Variants in ADCY2 observed in about 807,000 individuals in gnomAD.
ADCY2 encodes adenylate cyclase type 2.
ADCY2 carries 31 observed loss-of-function variants against 125.2 expected under a neutral mutation model. The ratio of observed to expected loss-of-function variants is 0.25; its 90% CI spans 0.19 to 0.33. The LOEUF is 0.33. Among genes scored for constraint, ADCY2 ranks in the 10% least tolerant of loss-of-function variants. The pLI is 1.00. For missense variants in ADCY2, 904 were observed against 1,418.2 expected, an observed-to-expected ratio of 0.64 and a Z score of 5.82; for synonymous variants, 512 against 548.4, an observed-to-expected ratio of 0.93 and a Z score of 0.93.
chr5:7,826,122 A>G (rs550235177), intron 24 of ADCY2, among the ~76,000 whole-genome samples: 1 of 152,230 alleles, frequency 6.6e-6, no homozygotes, highest in African/African-American at 2.4e-5. Flanking sequence ...AAATTCCTAC[A>G]GCTCTTTCAG....
At chr5:7,621,956 C>T (rs1198262651) in intron 3 of ADCY2, among the ~76,000 whole-genome samples, 1 of 152,150 alleles carries the variant, frequency 6.6e-6, no homozygotes, top group African/African-American at 2.4e-5. Flanking sequence ...CAGGGTAAAC[C>T]TTGACTGCTA....
intron 3 of ADCY2, among the ~76,000 whole-genome samples, chr5:7,597,338 G>A (rs1256713244): frequency 2.0e-5 from 3 of 152,316 alleles, no homozygotes; most frequent in South Asian, 4.1e-4. Flanking sequence ...CTCAGGCTGC[G>A]CCCAGCTGGG....
intron 4 of ADCY2, among the ~76,000 whole-genome samples, chr5:7,674,371 G>A (rs774228337): frequency 2.6e-5 from 4 of 152,110 alleles, no homozygotes; most frequent in East Asian, 1.9e-4. Flanking sequence ...GTATTGGTGC[G>A]GGGAGGGCGC....
At chr5:7,776,783 G>A (rs1743741525) in intron 18 of ADCY2, among the ~76,000 whole-genome samples, 1 of 152,152 alleles carries the variant, frequency 6.6e-6, no homozygotes, top group Non-Finnish European at 1.5e-5. Context: ...GGCTCTTATG[G>A]TTTTCATCTT....
intron 22 of ADCY2, among the ~76,000 whole-genome samples, chr5:7,811,298 C>T (rs543364905): frequency 4.9e-4 from 75 of 152,122 alleles, no homozygotes; most frequent in African/African-American, 1.7e-3. Flanking sequence ...GTCAGGAGAT[C>T]GAGACCATCC....
At chr5:7,706,268 G>C (rs1741263714) in intron 7 of ADCY2, among the ~76,000 whole-genome samples, 1 of 152,112 alleles carries the variant, frequency 6.6e-6, no homozygotes, top group Admixed American at 6.6e-5. Flanking sequence ...TTCTTATGTA[G>C]GCTAAAATCA....
intron 19 of ADCY2, among the ~76,000 whole-genome samples, chr5:7,787,804 A>G (rs181308080): frequency 6.6e-6 from 1 of 152,288 alleles, no homozygotes; most frequent in East Asian, 1.9e-4. Context: ...AGACTTACAA[A>G]CTGCTTACCT....
intron 4 of ADCY2, among the ~76,000 whole-genome samples, chr5:7,632,846 C>T (rs1044344843): frequency 1.3e-5 from 2 of 152,230 alleles, no homozygotes; most frequent in East Asian, 3.9e-4. Context: ...AGAAAATTGT[C>T]AATAATCCTT....
chr5:7,465,114 T>C (rs1350317502), intron 2 of ADCY2, among the ~76,000 whole-genome samples: 1 of 152,196 alleles, frequency 6.6e-6, no homozygotes, highest in African/African-American at 2.4e-5. Flanking sequence ...GATTCAGTTA[T>C]CTCCCACTGG....
intron 3 of ADCY2, among the ~76,000 whole-genome samples, chr5:7,617,115 T>C (rs2126649526): frequency 6.6e-6 from 1 of 152,286 alleles, no homozygotes; most frequent in South Asian, 2.1e-4. Context: ...TCCCTTTTTT[T>C]CCCATTGATC....
At chr5:7,606,119 G>C (rs1737366307) in intron 3 of ADCY2, among the ~76,000 whole-genome samples, 1 of 151,840 alleles carries the variant, frequency 6.6e-6, no homozygotes, top group South Asian at 2.1e-4. Context: ...TACATTTATT[G>C]ATTTGCGTAT....
chr5:7,507,754 A>G (rs1324711387), intron 2 of ADCY2, among the ~76,000 whole-genome samples: 1 of 152,184 alleles, frequency 6.6e-6, no homozygotes, highest in Admixed American at 6.5e-5. Context: ...TATTTTGAAC[A>G]ACATGAATAC....
intron 4 of ADCY2, among the ~76,000 whole-genome samples, chr5:7,657,040 A>C (rs1326307747): frequency 6.6e-6 from 1 of 152,210 alleles, no homozygotes; most frequent in Non-Finnish European, 1.5e-5. Flanking sequence ...ATTGTATAAA[A>C]TTGTTTTTGG....
At chr5:7,777,735 T>C (rs1425943801) in intron 18 of ADCY2, among the ~76,000 whole-genome samples, 1 of 152,086 alleles carries the variant, frequency 6.6e-6, no homozygotes. Flanking sequence ...ACCAATGGAG[T>C]TGGCAGCGGA....
intron 16 of ADCY2, among the ~76,000 whole-genome samples, chr5:7,761,910 T>C (rs1743231717): frequency 6.6e-6 from 1 of 152,218 alleles, no homozygotes; most frequent in Non-Finnish European, 1.5e-5. Flanking sequence ...TGTCTTCCAG[T>C]GTTGTTTTCC....
chr5:7,764,452 G>C (rs1393685122), intron 16 of ADCY2, among the ~76,000 whole-genome samples: 1 of 152,148 alleles, frequency 6.6e-6, no homozygotes, highest in African/African-American at 2.4e-5. Flanking sequence ...GTTAACTATA[G>C]TCTAGTCAGG....
chr5:7,708,584 C>CA (rs1365914578), intron 9 of ADCY2, among the ~76,000 whole-genome samples: 1 of 152,126 alleles, frequency 6.6e-6, no homozygotes, highest in Non-Finnish European at 1.5e-5. Flanking sequence ...GTAAATGGTG[C>CA]AAATATCAGC....
At chr5:7,650,969 G>A (rs1739066895) in intron 4 of ADCY2, among the ~76,000 whole-genome samples, 1 of 152,076 alleles carries the variant, frequency 6.6e-6, no homozygotes, top group South Asian at 2.1e-4. Context: ...TTGGTGACTT[G>A]GCAGAGGGGA....
chr5:7,412,471 G>A (rs1230138259), intron 1 of ADCY2, among the ~76,000 whole-genome samples: 1 of 152,160 alleles, frequency 6.6e-6, no homozygotes, highest in Non-Finnish European at 1.5e-5. Flanking sequence ...ACGCTGTCAT[G>A]TCCCACGTGT....
Sources: gnomAD v4.1 joint callset for allele counts (sites outside exome capture counted in the v4.1 genomes callset) on GRCh38, gnomAD v4.1.1 for gene constraint, MANE v1.5 for transcripts, NCBI Gene and HGNC (gene_info 2026-07-23, HGNC 2026-07-21) for gene names.